MGAT4C: variants seen among roughly 807,000 people sequenced by gnomAD.
The protein encoded by MGAT4C is alpha-1,3-mannosyl-glycoprotein 4-beta-N-acetylglucosaminyltransferase C.
In MGAT4C, 19 loss-of-function variants were observed where a neutral mutation model predicts 40.1. The observed-to-expected ratio is 0.47, with a 90% confidence interval of 0.33 to 0.70. The LOEUF (loss-of-function observed/expected upper bound fraction) is 0.70. Ranked by LOEUF, MGAT4C falls within the 30% of genes least tolerant of loss-of-function variation. MGAT4C has a pLI of 0.02. For missense variants in MGAT4C, 491 were observed against 563.2 expected, an observed-to-expected ratio of 0.87 and a Z score of 1.30; for synonymous variants, 181 against 187.1, an observed-to-expected ratio of 0.97 and a Z score of 0.27.
intron 1 of MGAT4C, among the ~76,000 whole-genome samples, chr12:86,134,737 C>T (rs2135720551): frequency 6.6e-6 from 1 of 152,160 alleles, no homozygotes; most frequent in East Asian, 1.9e-4. Context: ...TGGAGCACTG[C>T]TAAGCTTTTA....
chr12:86,469,433 A>G (rs2136302414), intron 2 of MGAT4C, among the ~76,000 whole-genome samples: 1 of 152,214 alleles, frequency 6.6e-6, no homozygotes, highest in Non-Finnish European at 1.5e-5. Flanking sequence ...CCTTTCTCTC[A>G]TAAATCAAGC....
At chr12:86,200,872 A>AGAC (rs1405276052) in intron 1 of MGAT4C, among the ~76,000 whole-genome samples, 2 of 152,148 alleles carry the variant, frequency 1.3e-5, no homozygotes, top group African/African-American at 4.8e-5. Flanking sequence ...CATAAAAAGA[A>AGAC]GACACACCAG....
intron 2 of MGAT4C, among the ~76,000 whole-genome samples, chr12:86,617,713 AAACT>A (rs1171075695): frequency 1.3e-5 from 2 of 151,882 alleles, no homozygotes; most frequent in African/African-American, 4.8e-5. Context: ...AAAAAAAAAA[AAACT>A]AAAACAATAA....
chr12:86,352,231 C>A (rs2136192736), intron 3 of MGAT4C, among the ~76,000 whole-genome samples: 1 of 152,076 alleles, frequency 6.6e-6, no homozygotes, highest in African/African-American at 2.4e-5. Flanking sequence ...ACTTGACATG[C>A]TTTAAAGTCT....
intron 2 of MGAT4C, among the ~76,000 whole-genome samples, chr12:86,439,474 C>T (rs1957191124): frequency 1.3e-5 from 2 of 151,866 alleles, no homozygotes; most frequent in South Asian, 2.1e-4. Context: ...ATACTGCAAA[C>T]GCAATGCTAA....
intron 1 of MGAT4C, among the ~76,000 whole-genome samples, chr12:86,765,557 A>G (rs968984729): frequency 2.0e-5 from 3 of 152,180 alleles, no homozygotes; most frequent in African/African-American, 4.8e-5. Flanking sequence ...TCCAAGACAC[A>G]TAATTGTCAG....
At chr12:86,382,544 G>A (rs1565720324) in intron 3 of MGAT4C, among the ~76,000 whole-genome samples, 1 of 152,168 alleles carries the variant, frequency 6.6e-6, no homozygotes, top group Non-Finnish European at 1.5e-5. Flanking sequence ...TAAGTAACGA[G>A]GATGTTAATC....
chr12:86,031,163 GT>G (rs1377971185), intron 2 of MGAT4C, among the ~76,000 whole-genome samples: 1 of 151,290 alleles, frequency 6.6e-6, no homozygotes, highest in Non-Finnish European at 1.5e-5. Flanking sequence ...TCAAAATTAT[GT>G]ATGAAATACA....
chr12:86,100,938 T>G (rs1329231312), intron 1 of MGAT4C, among the ~76,000 whole-genome samples: 1 of 151,756 alleles, frequency 6.6e-6, no homozygotes, highest in Admixed American at 6.6e-5. Context: ...TCATAATTTA[T>G]GCATCAAATC....
chr12:86,584,194 G>C (rs1373517123), intron 2 of MGAT4C, among the ~76,000 whole-genome samples: 3 of 150,794 alleles, frequency 2.0e-5, no homozygotes, highest in East Asian at 1.9e-4. Context: ...AAACACAAAT[G>C]AGAGATACAG....
At chr12:86,232,330 A>C (rs1398900445) in intron 1 of MGAT4C, among the ~76,000 whole-genome samples, 1 of 152,206 alleles carries the variant, frequency 6.6e-6, no homozygotes, top group South Asian at 2.1e-4. Flanking sequence ...CTAAGATAAC[A>C]TTCACAAAAG....
chr12:86,082,097 T>C (rs1178813355), intron 1 of MGAT4C, among the ~76,000 whole-genome samples: 2 of 152,148 alleles, frequency 1.3e-5, no homozygotes, highest in African/African-American at 4.8e-5. Context: ...CTGTGAATCA[T>C]GCATAAGCAC....
chr12:86,700,386 G>T (rs1270520272), intron 2 of MGAT4C, among the ~76,000 whole-genome samples: 1 of 151,890 alleles, frequency 6.6e-6, no homozygotes, highest in Non-Finnish European at 1.5e-5. Flanking sequence ...AAGTGAAATT[G>T]TTCACAAATA....
intron 1 of MGAT4C, among the ~76,000 whole-genome samples, chr12:86,739,133 C>CAAAAAAAAAAAAAAAAAAAAAAA (rs59869666): frequency 5.0e-5 from 2 of 39,772 alleles, no homozygotes; most frequent in Non-Finnish European, 8.4e-5. Context: ...TTTCCCTGTG[C>CAAAAAAAAAAAAAAAAAAAAAAA]AAAAAAAAAA....
At chr12:86,099,407 T>G (rs975905542) in intron 1 of MGAT4C, among the ~76,000 whole-genome samples, 3 of 96,560 alleles carry the variant, frequency 3.1e-5, no homozygotes, top group Admixed American at 1.3e-4. Flanking sequence ...AAAGAAGCTT[T>G]CTTTCTTTTT....
At chr12:86,767,724 A>G (rs1951541038) in intron 1 of MGAT4C, among the ~76,000 whole-genome samples, 1 of 152,200 alleles carries the variant, frequency 6.6e-6, no homozygotes, top group Admixed American at 6.5e-5. Context: ...ATGAAAATCA[A>G]TAAATGTAAT....
At chr12:86,396,144 T>C (rs541304348) in intron 3 of MGAT4C, among the ~76,000 whole-genome samples, 33 of 152,302 alleles carry the variant, frequency 2.2e-4, no homozygotes, top group Non-Finnish European at 4.3e-4. Flanking sequence ...TAAACTTTTA[T>C]GTTCAACTGA....
intron 2 of MGAT4C, among the ~76,000 whole-genome samples, chr12:85,990,295 C>A (rs1467382887): frequency 6.6e-6 from 1 of 152,080 alleles, no homozygotes; most frequent in Non-Finnish European, 1.5e-5. Context: ...TTTTACTCTT[C>A]TATTTTCTGA....
intron 1 of MGAT4C, among the ~76,000 whole-genome samples, chr12:86,755,795 T>C (rs1312248310): frequency 6.6e-6 from 1 of 151,722 alleles, no homozygotes; most frequent in Non-Finnish European, 1.5e-5. Flanking sequence ...TAAGTGCATG[T>C]GCCACCATGC....
Sources: gnomAD v4.1 joint callset for allele counts (sites outside exome capture counted in the v4.1 genomes callset) on GRCh38, gnomAD v4.1.1 for gene constraint, MANE v1.5 for transcripts, NCBI Gene and HGNC (gene_info 2026-07-23, HGNC 2026-07-21) for gene names.